The following NEDD4L variants were observed in gnomAD, a reference collection of about 807,000 sequenced individuals.
NEDD4L encodes E3 ubiquitin-protein ligase NEDD4-like.
A neutral mutation model predicts 148.9 loss-of-function variants in NEDD4L; 54 were observed. The ratio of observed to expected loss-of-function variants is 0.36; its 90% confidence interval spans 0.29 to 0.45. The LOEUF is 0.45. Ranked by LOEUF, NEDD4L falls within the 20% of genes least tolerant of loss-of-function variation. The pLI is 1.00. For synonymous variants in NEDD4L, 433 were observed against 440.7 expected (o/e 0.98, Z 0.22); for missense variants, 856 against 1,233.8 (o/e 0.69, Z 4.59).
chr18:58,253,691 A>G (rs2048179466), intron 5 of NEDD4L, among the ~76,000 whole-genome samples: 1 of 152,174 alleles, frequency 6.6e-6, no homozygotes. Context: ...GTCAAATTTG[A>G]GGAAAAATGG....
chr18:58,266,601 A>T (rs944533771), intron 5 of NEDD4L, among the ~76,000 whole-genome samples: 2 of 152,164 alleles, frequency 1.3e-5, no homozygotes, highest in Non-Finnish European at 2.9e-5. Flanking sequence ...TGAATCACAC[A>T]AACGGATTAA....
intron 2 of NEDD4L, among the ~76,000 whole-genome samples, chr18:58,214,647 TG>T (rs1224375645): frequency 1.1e-3 from 165 of 144,658 alleles, no homozygotes; most frequent in African/African-American, 3.0e-3. Flanking sequence ...GTGTGTGTTT[TG>T]TTGTTGTTGT....
chr18:58,281,225 GC>G, intron 5 of NEDD4L, among the ~76,000 whole-genome samples: 1 of 151,950 alleles, frequency 6.6e-6, no homozygotes, highest in Admixed American at 6.5e-5. Flanking sequence ...CAATCATCCT[GC>G]CCTGGCCTCC....
At position 58,090,905 on chromosome 18, in the gene NEDD4L, G is replaced by A. The variant is rs190280871; in HGVS notation, c.48+46197G>A. The A allele has an allele frequency of 2.2e-3, 334 of 152,346 alleles. 2 individuals are homozygous for A. Among genetic ancestry groups the A allele is most frequent in the African/African-American group, 7.3e-3 (303 of 41,582 alleles). 9.4% of individuals were successfully genotyped at this position (152,346 alleles called of 1,614,324 possible). A position where few individuals can be genotyped will look rare whatever the true frequency, so the allele number is the denominator to read the frequency against. ...CAAATAGTAGACTTAGCTTGGATGA[G>A]AATCTAAAAGTCTTTGAGTCCAACA... On this transcript the variant is annotated intron_variant, in intron 1 of 30. Transcript: ENST00000400345.
intron 2 of NEDD4L, among the ~76,000 whole-genome samples, chr18:58,168,888 C>G (rs766904942): frequency 6.6e-6 from 1 of 152,184 alleles, no homozygotes; most frequent in Non-Finnish European, 1.5e-5. Flanking sequence ...CCCTGGGCCA[C>G]TTGGCCTGAG....
At chr18:58,356,498 G>A (rs528191881) in intron 18 of NEDD4L, among the ~76,000 whole-genome samples, 45 of 152,232 alleles carry the variant, frequency 3.0e-4, no homozygotes, top group African/African-American at 1.0e-3. Flanking sequence ...CAGCTGTTGT[G>A]TATTATCACC....
At chr18:58,066,192 T>C (rs2082581137) in intron 1 of NEDD4L, among the ~76,000 whole-genome samples, 1 of 152,212 alleles carries the variant, frequency 6.6e-6, no homozygotes, top group Non-Finnish European at 1.5e-5. Context: ...TCTCATGACA[T>C]GTTTTGGGTA....
At chr18:58,133,659 C>T (rs1211812823) in intron 1 of NEDD4L, among the ~76,000 whole-genome samples, 4 of 152,134 alleles carry the variant, frequency 2.6e-5, no homozygotes. Flanking sequence ...TCCATGCTTG[C>T]TAGACTGGCT....
chr18:58,093,895 A>G (rs2084220909), intron 1 of NEDD4L, among the ~76,000 whole-genome samples: 1 of 150,850 alleles, frequency 6.6e-6, no homozygotes, highest in Admixed American at 6.7e-5. Flanking sequence ...AAATTGCTGC[A>G]TGCCCCACTG....
At chr18:58,165,154 G>A (rs192737008) in intron 1 of NEDD4L, among the ~76,000 whole-genome samples, 98 of 152,226 alleles carry the variant, frequency 6.4e-4, no homozygotes, top group Non-Finnish European at 1.2e-3. Flanking sequence ...TCAAGGCCCC[G>A]GGCATAAGAG....
intron 28 of NEDD4L, 50 bp from the exon 29 acceptor site, chr18:58,390,596 G>A: frequency 8.7e-7 from 1 of 1,150,006 alleles, no homozygotes; most frequent in Non-Finnish European, 1.3e-6. Context: ...ACAGCAGCAT[G>A]TGCCATGGGT....
At chr18:58,333,275 A>AT (rs1449280737) in intron 11 of NEDD4L, among the ~76,000 whole-genome samples, 1 of 147,556 alleles carries the variant, frequency 6.8e-6, no homozygotes, top group African/African-American at 2.6e-5. Context: ...AAGACTCTAT[A>AT]TTTAAAAAAA....
intron 1 of NEDD4L, among the ~76,000 whole-genome samples, chr18:58,110,064 C>T (rs997649746): frequency 6.6e-6 from 1 of 151,962 alleles, no homozygotes; most frequent in Non-Finnish European, 1.5e-5. Flanking sequence ...CCTAGGGCTG[C>T]CCTACAGCAG....
At chr18:58,110,757 CT>C (rs2085369992) in intron 1 of NEDD4L, among the ~76,000 whole-genome samples, 1 of 152,198 alleles carries the variant, frequency 6.6e-6, no homozygotes, top group African/African-American at 2.4e-5. Context: ...CCAAACCTTG[CT>C]CATTTTCTTT....
At chr18:58,381,011 T>C (rs1329447702) in intron 24 of NEDD4L, among the ~76,000 whole-genome samples, 1 of 152,218 alleles carries the variant, frequency 6.6e-6, no homozygotes, top group Non-Finnish European at 1.5e-5. Flanking sequence ...TAGTATTTTC[T>C]ATATAAACAT....
At chr18:58,118,490 A>G (rs777415450) in intron 1 of NEDD4L, among the ~76,000 whole-genome samples, 9 of 152,318 alleles carry the variant, frequency 5.9e-5, no homozygotes, top group South Asian at 2.1e-4. Flanking sequence ...ACAAAATCCT[A>G]TTTATTAAAA....
intron 1 of NEDD4L, among the ~76,000 whole-genome samples, chr18:58,111,903 C>G (rs189987768): frequency 1.1e-4 from 16 of 152,310 alleles, no homozygotes; most frequent in African/African-American, 3.8e-4. Context: ...CATTCCCCCC[C>G]AGCAGTGTCT....
At chr18:58,274,727 C>T (rs2051612404) in intron 5 of NEDD4L, among the ~76,000 whole-genome samples, 1 of 152,160 alleles carries the variant, frequency 6.6e-6, no homozygotes, top group Non-Finnish European at 1.5e-5. Flanking sequence ...GACTTATTCC[C>T]AATAATAAAG....
At chr18:58,171,909 A>G (rs772540608) in intron 2 of NEDD4L, among the ~76,000 whole-genome samples, 3 of 152,210 alleles carry the variant, frequency 2.0e-5, no homozygotes, top group Non-Finnish European at 2.9e-5. Context: ...GGGGGAGTCA[A>G]TGAGATGGCA....
Sources: allele counts gnomAD v4.1 joint callset (sites outside exome capture counted in the v4.1 genomes callset), GRCh38; gene constraint gnomAD v4.1.1; transcripts MANE v1.5; gene names NCBI Gene and HGNC (gene_info 2026-07-23, HGNC 2026-07-21).